The following NTNG1 variants were observed in gnomAD, a reference collection of about 807,000 sequenced individuals.
NTNG1 encodes the protein netrin G1.
In NTNG1, 16 loss-of-function variants were observed where a neutral mutation model predicts 54.0. The observed-to-expected ratio is 0.30, with a 90% CI of 0.20 to 0.45. The LOEUF (loss-of-function observed/expected upper bound fraction) is 0.45, where lower values mean the gene tolerates loss of function less well. NTNG1 is among the 20% of genes least tolerant of loss of function. The pLI, the probability that NTNG1 is intolerant of heterozygous loss-of-function variation, is 1.00. For synonymous variants in NTNG1, 255 were observed against 263.1 expected, an observed-to-expected ratio of 0.97 and a Z score of 0.30; for missense variants, 530 against 678.7, an observed-to-expected ratio of 0.78 and a Z score of 2.43.
At chr1:107,406,591 A>C (rs1325362745) in intron 4 of NTNG1, among the ~76,000 whole-genome samples, 1 of 152,154 alleles carries the variant, frequency 6.6e-6, no homozygotes, top group Non-Finnish European at 1.5e-5. Flanking sequence ...TTTCCATCGC[A>C]TGCTCTCCTA....
At chr1:107,434,889 T>C (rs1408515215) in intron 6 of NTNG1, among the ~76,000 whole-genome samples, 6 of 152,216 alleles carry the variant, frequency 3.9e-5, no homozygotes, top group Non-Finnish European at 7.3e-5. Context: ...ATTTGTTACA[T>C]AAGGTGAAGG....
At chr1:107,199,508 A>G (rs894373797) in intron 2 of NTNG1, among the ~76,000 whole-genome samples, 1 of 151,928 alleles carries the variant, frequency 6.6e-6, no homozygotes, top group Non-Finnish European at 1.5e-5. Context: ...ACTTTATAGT[A>G]ATACTAAGTA....
At chr1:107,189,831 A>AG (rs1657768797) in intron 2 of NTNG1, among the ~76,000 whole-genome samples, 1 of 150,892 alleles carries the variant, frequency 6.6e-6, no homozygotes, top group African/African-American at 2.5e-5. Flanking sequence ...AAAAAAAAAA[A>AG]AGGGGGGGGC....
chr1:107,480,119 A>C (rs1215189601), intron 7 of NTNG1, among the ~76,000 whole-genome samples: 3 of 150,958 alleles, frequency 2.0e-5, no homozygotes, highest in Admixed American at 1.3e-4. Flanking sequence ...TTCTGTCTTC[A>C]TGCATGCAGC....
Position 107,245,252 on chromosome 1 carries a change from C to T in NTNG1, c.247-79030C>T, listed in dbSNP as rs116017510. Among the ~76,000 whole-genome samples, 621 of 152,290 alleles carry T rather than the reference C, an allele frequency of 4.1e-3. 4 individuals carry two copies. Among genetic ancestry groups the T allele is most frequent in the African/African-American group, 0.014 (584 of 41,560 alleles). On this transcript the variant is annotated intron_variant, in intron 2 of 7. Coordinates refer to ENST00000370068, the MANE Select transcript of NTNG1 (RefSeq NM_001113226.3). The stretch of plus-strand genomic sequence containing the variant: ...TGGTTGATAAATTATCAGCATGGCA[C>T]CTGCATCTTATGCTTGAAAAACCTT...
chr1:107,230,615 T>C (rs1661008171), intron 2 of NTNG1, among the ~76,000 whole-genome samples: 2 of 152,214 alleles, frequency 1.3e-5, no homozygotes, highest in African/African-American at 4.8e-5. Flanking sequence ...TGTTTTCCTT[T>C]TGATTCTTGA....
At chr1:107,258,787 C>A (rs992208262) in intron 2 of NTNG1, among the ~76,000 whole-genome samples, 1 of 152,208 alleles carries the variant, frequency 6.6e-6, no homozygotes, top group African/African-American at 2.4e-5. Context: ...AGTCAGCCCA[C>A]TTTGGCAGGC....
In NTNG1 at chr1:107,371,696, A is replaced by G. The variant is rs564703138; in HGVS notation, c.888-23458A>G. On this transcript the variant is annotated intron_variant, in intron 3 of 7. Coordinates refer to ENST00000370068, the MANE Select transcript of NTNG1 (RefSeq NM_001113226.3). ...CGAAACATTTAAGAAAGAAATACCA[A>G]TGCTACACAAACTCAGCCAGAAAAC... Among the ~76,000 whole-genome samples, 287 of 152,154 alleles carry G rather than the reference A, an allele frequency of 1.9e-3. 1 individual carries two copies. The highest frequency in any genetic ancestry group is 6.5e-3 in the African/African-American group (272 of 41,540).
chr1:107,214,608 A>G, intron 2 of NTNG1, among the ~76,000 whole-genome samples: 1 of 152,122 alleles, frequency 6.6e-6, no homozygotes, highest in East Asian at 1.9e-4. Context: ...TTTTCATGTA[A>G]TGACTTCTTT....
chr1:107,480,690 C>T lies in NTNG1; in HGVS notation c.1470C>T (p.Ala490=), dbSNP rs1472976923. The change falls in exon 8 of 8, where the codon GCC becomes GCT. Residue 490 remains alanine (A), a synonymous_variant. Coordinates refer to ENST00000370068, the MANE Select transcript of NTNG1 (RefSeq NM_001113226.3). Reference sequence around the variant, plus strand: ...ACAACGTGCGCTGCCTGTGCCCGGCCGCATACACGGGCATCCTCTGCGAGA... The same window carrying T: ...ACAACGTGCGCTGCCTGTGCCCGGCTGCATACACGGGCATCCTCTGCGAGA... ...CHNNVRCLCP[A]AYTGILCEKL... 3 of 1,610,870 alleles carry T rather than the reference C, an allele frequency of 1.9e-6. No individual in the cohort carries two copies. The African/African-American group carries it at 4.0e-5, about 22-fold the overall frequency.
chr1:107,168,574 A>G (rs968753124), intron 2 of NTNG1, among the ~76,000 whole-genome samples: 13 of 152,112 alleles, frequency 8.5e-5, no homozygotes, highest in African/African-American at 3.1e-4. Flanking sequence ...GACATTTACC[A>G]AGGACAACAA....
intron 2 of NTNG1, among the ~76,000 whole-genome samples, chr1:107,211,542 G>T (rs1659597655): frequency 6.6e-6 from 1 of 152,010 alleles, no homozygotes; most frequent in Admixed American, 6.6e-5. Context: ...TTTCATATTT[G>T]TATCCATGAA....
rs185383601 is a variant in NTNG1 at position 107,308,630 on chromosome 1, T to A, written c.247-15652T>A. 8.8e-4 allele frequency among the ~76,000 whole-genome samples: 134 copies of A among 152,322 alleles called. 1 individual carries two copies. The highest frequency in any genetic ancestry group is 4.3e-3 in the Admixed American group (66 of 15,276). Reference sequence around the variant, plus strand: ...TTTTTGCTTAGGTTTGCTTTGGCTATTTAGGCTGTTCTTTTGGTTCCAAAT... The same window carrying A: ...TTTTTGCTTAGGTTTGCTTTGGCTAATTAGGCTGTTCTTTTGGTTCCAAAT... On this transcript the variant is annotated intron_variant, in intron 2 of 7. Coordinates refer to ENST00000370068, the MANE Select transcript of NTNG1 (RefSeq NM_001113226.3).
In NTNG1 at chr1:107,179,478, A is replaced by T. The variant is rs189531281; in HGVS notation, c.246+30639A>T. 4.0e-3 allele frequency among the ~76,000 whole-genome samples: 610 copies of T among 151,680 alleles called. 1 individual carries two copies. Among genetic ancestry groups the T allele is most frequent in the Admixed American group, 8.2e-3 (125 of 15,218 alleles). On this transcript the variant is annotated intron_variant, in intron 2 of 7. Transcript: ENST00000370068. ...TTTTTCCAGGCATTTATTTCAATGT[A>T]TTTTTTTTAAAATTGACAATACAAA...
chr1:107,333,330 G>A (rs1668390759), intron 3 of NTNG1, among the ~76,000 whole-genome samples: 1 of 151,922 alleles, frequency 6.6e-6, no homozygotes, highest in African/African-American at 2.4e-5. Flanking sequence ...TACAAAATGA[G>A]ATTTTTATAC....
intron 3 of NTNG1, among the ~76,000 whole-genome samples, chr1:107,385,718 G>A (rs1002046746): frequency 6.6e-6 from 1 of 151,846 alleles, no homozygotes; most frequent in African/African-American, 2.4e-5. Flanking sequence ...TAAGTAAATT[G>A]AGCTTAAGGA....
chr1:107,263,298 TTC>T (rs1663485227), intron 2 of NTNG1, among the ~76,000 whole-genome samples: 1 of 151,494 alleles, frequency 6.6e-6, no homozygotes, highest in Non-Finnish European at 1.5e-5. Context: ...CCTTCCTTCC[TTC>T]CTTCCTTCCT....
intron 4 of NTNG1, among the ~76,000 whole-genome samples, chr1:107,401,986 A>C (rs1673070612): frequency 6.6e-6 from 1 of 151,872 alleles, no homozygotes; most frequent in South Asian, 2.1e-4. Context: ...GCAGCAGTGC[A>C]ATTACCTGCT....
At chr1:107,420,877 C>T (rs1439089246) in intron 5 of NTNG1, among the ~76,000 whole-genome samples, 1 of 151,958 alleles carries the variant, frequency 6.6e-6, no homozygotes, top group East Asian at 1.9e-4. Flanking sequence ...GAAAAGAAAA[C>T]TTCTAAATTG....
Sources: gnomAD v4.1 joint callset for allele counts (sites outside exome capture counted in the v4.1 genomes callset) on GRCh38, gnomAD v4.1.1 for gene constraint, MANE v1.5 for transcripts, NCBI Gene and HGNC (gene_info 2026-07-23, HGNC 2026-07-21) for gene names.